DLGAP2: variants seen among roughly 807,000 people sequenced by gnomAD.
DLGAP2 encodes disks large-associated protein 2.
DLGAP2 carries 26 observed loss-of-function variants against 100.3 expected under a neutral mutation model. That is an observed-to-expected ratio of 0.26 (90% CI 0.19 to 0.36). The LOEUF (loss-of-function observed/expected upper bound fraction) is 0.36. DLGAP2 is among the 10% of genes least tolerant of loss of function. The pLI is 1.00. For missense variants in DLGAP2, 1,858 were observed against 1,453.2 expected (o/e 1.28, Z -4.53); for synonymous variants, 886 against 630.1 (o/e 1.41, Z -6.08).
chr8:1,602,725 A>G (rs1431871402), intron 6 of DLGAP2, among the ~76,000 whole-genome samples: 1 of 152,116 alleles, frequency 6.6e-6, no homozygotes, highest in Non-Finnish European at 1.5e-5. Flanking sequence ...TCATCCCACA[A>G]GTGTCTCTTG....
chr8:811,711 T>G (rs889531842), intron 1 of DLGAP2, among the ~76,000 whole-genome samples: 1 of 143,614 alleles, frequency 7.0e-6, no homozygotes, highest in Non-Finnish European at 1.5e-5. Flanking sequence ...CGGATGAAGC[T>G]CCCATCATCC....
chr8:1,098,905 C>A (rs536526191), intron 2 of DLGAP2, among the ~76,000 whole-genome samples: 1 of 152,258 alleles, frequency 6.6e-6, no homozygotes, highest in African/African-American at 2.4e-5. Context: ...ACACAAATCA[C>A]AGAACGACTT....
At chr8:969,195 C>T (rs1473402301) in intron 2 of DLGAP2, among the ~76,000 whole-genome samples, 1 of 152,204 alleles carries the variant, frequency 6.6e-6, no homozygotes, top group Non-Finnish European at 1.5e-5. Flanking sequence ...AGGACACCTT[C>T]CACCAAGTCT....
intron 3 of DLGAP2, chr8:1,296,969 G>A (rs60603161): frequency 0.075 from 11,493 of 152,540 alleles, 483 homozygotes; most frequent in Middle Eastern, 0.11. Context: ...TGAGCATCCC[G>A]GATAATGGGA....
chr8:1,095,906 C>T lies in DLGAP2; in HGVS notation c.74-162945C>T, dbSNP rs114796025. On this transcript the variant is annotated intron_variant, in intron 2 of 14. Transcript: ENST00000637795. ...TTTGCGGAGTGAATGCATGCTCTTC[C>T]CTAGAGAACAGGCTCTGGGTGAATT... is the stretch of plus-strand genomic sequence containing the variant. 8.6e-3 allele frequency among the ~76,000 whole-genome samples: 1,304 copies of T among 152,244 alleles called. 25 individuals are homozygous for T. The highest frequency in any genetic ancestry group is 0.029 in the African/African-American group (1,207 of 41,544).
At chr8:985,174 A>C (rs760658273) in intron 2 of DLGAP2, among the ~76,000 whole-genome samples, 30 of 152,234 alleles carry the variant, frequency 2.0e-4, no homozygotes, top group Non-Finnish European at 3.8e-4. Context: ...TGCAGGTTAC[A>C]GCCTGATCCA....
intron 3 of DLGAP2, among the ~76,000 whole-genome samples, chr8:1,374,002 A>C (rs1424601530): frequency 1.3e-5 from 2 of 150,918 alleles, no homozygotes; most frequent in African/African-American, 4.9e-5. Context: ...ATGCAACCTG[A>C]GGTTTAAGCT....
chr8:1,408,354 G>C (rs1052736398), intron 3 of DLGAP2, among the ~76,000 whole-genome samples: 9 of 152,220 alleles, frequency 5.9e-5, no homozygotes, highest in Middle Eastern at 3.2e-3. Flanking sequence ...AGGCGTCTGT[G>C]TTCTCATCAG....
At chr8:938,724 G>A (rs1424759199) in intron 2 of DLGAP2, among the ~76,000 whole-genome samples, 2 of 152,186 alleles carry the variant, frequency 1.3e-5, no homozygotes, top group Non-Finnish European at 2.9e-5. Context: ...CTGTGGCCTG[G>A]CTGTGAGGTG....
In DLGAP2 at chr8:1,060,303, C is replaced by T. The variant is rs559276996; in HGVS notation, c.73+152337C>T. Among the ~76,000 whole-genome samples, 102 of 150,706 alleles carry T rather than the reference C, an allele frequency of 6.8e-4. 1 individual carries two copies. Among genetic ancestry groups the T allele is most frequent in the African/African-American group, 7.0e-4 (29 of 41,198 alleles). ...CTTGTGGATAGATCCCCTCCCAAGG[C>T]GGGCTCCCTCTGGAGGCCCTGAGGG... On this transcript the variant is annotated intron_variant, in intron 2 of 14. Transcript: ENST00000637795.
intron 4 of DLGAP2, among the ~76,000 whole-genome samples, chr8:1,527,425 G>C (rs1800831364): frequency 1.3e-5 from 2 of 152,234 alleles, no homozygotes; most frequent in Non-Finnish European, 2.9e-5. Context: ...GCGCCAGGAA[G>C]AGGATGTCAG....
chr8:994,310 C>T (rs1252351864), intron 2 of DLGAP2, among the ~76,000 whole-genome samples: 2 of 152,164 alleles, frequency 1.3e-5, no homozygotes, highest in African/African-American at 4.8e-5. Context: ...AAGCGATTCT[C>T]CTGCCTTAGC....
chr8:1,215,978 G>A lies in DLGAP2; in HGVS notation c.74-42873G>A, dbSNP rs896275595. On this transcript the variant is annotated intron_variant, in intron 2 of 14. Transcript: ENST00000637795. ...TCACCTGGAGACGTCCAGGTACCTC[G>A]ATGGGTTCATTAGGCACATCACCTG... 2.6e-5 allele frequency among the ~76,000 whole-genome samples: 4 copies of A among 151,724 alleles called. No individual in the cohort carries two copies. The South Asian group carries it at 6.3e-4, about 24-fold the overall frequency.
At chr8:899,163 G>C (rs1043346789) in intron 1 of DLGAP2, among the ~76,000 whole-genome samples, 2 of 152,198 alleles carry the variant, frequency 1.3e-5, no homozygotes, top group African/African-American at 4.8e-5. Flanking sequence ...TCCAGCCCCT[G>C]GATGGTTCCT....
At chr8:1,109,947 T>C (rs368161966) in intron 2 of DLGAP2, among the ~76,000 whole-genome samples, 10 of 60,658 alleles carry the variant, frequency 1.6e-4, no homozygotes, top group African/African-American at 6.9e-4. Flanking sequence ...TGCATAGGTC[T>C]GTGACGTGCT....
intron 5 of DLGAP2, among the ~76,000 whole-genome samples, chr8:1,555,850 T>C (rs1801946320): frequency 6.6e-6 from 1 of 152,240 alleles, no homozygotes; most frequent in Admixed American, 6.5e-5. Flanking sequence ...TGGTTTTGGG[T>C]TGTTGGCTAG....
In DLGAP2 at chr8:1,678,514, G is replaced by A. The variant is rs201992512; in HGVS notation, c.2589G>A (p.Pro863=). 593 of 1,608,734 alleles carry A rather than the reference G, an allele frequency of 3.7e-4. 4 individuals carry two copies. Among genetic ancestry groups the A allele is most frequent in the East Asian group, 3.7e-3 (163 of 44,646 alleles). ...CGGTAGAGACTGGGAGGATGTCTCC[G>A]TGCCGCAGGGATGGCTCGTGGTTTT... ...IDTVETGRMS[P]CRRDGSWFLK... Residue 863 remains proline (P), a synonymous_variant, in exon 12 of 15, where the codon CCG becomes CCA. Coordinates refer to ENST00000637795, the MANE Select transcript of DLGAP2 (RefSeq NM_001346810.2).
At chr8:1,334,451 A>G (rs1585270153) in intron 3 of DLGAP2, among the ~76,000 whole-genome samples, 1 of 152,296 alleles carries the variant, frequency 6.6e-6, no homozygotes, top group South Asian at 2.1e-4. Context: ...TGCTGTGGGA[A>G]CGTGCTGTGG....
At chr8:837,272 C>G (rs1044903650) in intron 1 of DLGAP2, among the ~76,000 whole-genome samples, 2 of 152,206 alleles carry the variant, frequency 1.3e-5, no homozygotes, top group Non-Finnish European at 2.9e-5. Flanking sequence ...AGTCCTCGGA[C>G]CTGTGCAGCC....
Sources: allele counts gnomAD v4.1 joint callset (sites outside exome capture counted in the v4.1 genomes callset), GRCh38; gene constraint gnomAD v4.1.1; transcripts MANE v1.5; gene names NCBI Gene and HGNC (gene_info 2026-07-23, HGNC 2026-07-21).